The following RBFOX1 variants were observed in gnomAD, a reference collection of about 807,000 sequenced individuals.
The protein encoded by RBFOX1 is RNA binding fox-1 homolog 1.
RBFOX1 carries 8 observed loss-of-function variants against 57.7 expected under a neutral mutation model. The observed-to-expected ratio is 0.14, with a 90% CI of 0.08 to 0.25. The LOEUF is 0.25. RBFOX1 is among the 10% of genes least tolerant of loss of function. The pLI, the probability that RBFOX1 is intolerant of heterozygous loss-of-function variation, is 1.00. For synonymous variants in RBFOX1, 326 were observed against 222.4 expected, an observed-to-expected ratio of 1.47 and a Z score of -4.15; for missense variants, 611 against 548.5, an observed-to-expected ratio of 1.11 and a Z score of -1.14.
intron 2 of RBFOX1, among the ~76,000 whole-genome samples, chr16:6,408,748 A>T (rs573052507): frequency 6.6e-6 from 1 of 152,308 alleles, no homozygotes; most frequent in East Asian, 1.9e-4. Flanking sequence ...AATTGAATTC[A>T]CAGGTCAAAC....
chr16:5,616,898 C>G (rs915770725), intron 3 of RBFOX1, among the ~76,000 whole-genome samples: 2 of 150,224 alleles, frequency 1.3e-5, no homozygotes, highest in Admixed American at 1.3e-4. Context: ...TCTCCCCTGC[C>G]TCTTTTTCCA....
At chr16:6,132,680 T>C (rs1191020524) in intron 1 of RBFOX1, among the ~76,000 whole-genome samples, 2 of 152,114 alleles carry the variant, frequency 1.3e-5, no homozygotes, top group Non-Finnish European at 2.9e-5. Flanking sequence ...AGTGACTGTA[T>C]ATTTGGGAGG....
chr16:5,447,241 A>G (rs1458128465), intron 1 of RBFOX1, among the ~76,000 whole-genome samples: 1 of 152,044 alleles, frequency 6.6e-6, no homozygotes, highest in Non-Finnish European at 1.5e-5. Flanking sequence ...GTGTGATTAT[A>G]AGAACTCAGA....
At chr16:7,123,048 G>A (rs1003558659) in intron 4 of RBFOX1, among the ~76,000 whole-genome samples, 4 of 152,050 alleles carry the variant, frequency 2.6e-5, no homozygotes, top group Non-Finnish European at 5.9e-5. Flanking sequence ...ATTAGGGGTT[G>A]GGGGGAGGGT....
chr16:7,708,127 C>G (rs953597157), intron 14 of RBFOX1, among the ~76,000 whole-genome samples: 2 of 152,058 alleles, frequency 1.3e-5, no homozygotes, highest in South Asian at 4.2e-4. Flanking sequence ...CTACTTGAAC[C>G]CTGGAGTTTT....
chr16:6,798,265 T>C (rs1567291854), intron 3 of RBFOX1, among the ~76,000 whole-genome samples: 2 of 152,160 alleles, frequency 1.3e-5, no homozygotes, highest in Non-Finnish European at 2.9e-5. Context: ...CTGGATCCTG[T>C]TACATGCTTC....
rs1409398824 is a variant in RBFOX1 at position 6,929,180 on chromosome 16, C to A, written c.-15-122877C>A. 5.3e-5 allele frequency among the ~76,000 whole-genome samples: 8 copies of A among 152,244 alleles called. No individual in the cohort carries two copies. The South Asian group carries it at 1.5e-3, about 28-fold the overall frequency. ...GATACCCTACTACCTTCAGAGCAAA[C>A]ACATTCTACTCTTTGAAGGCAAGTG... On this transcript the variant is annotated intron_variant, in intron 3 of 15. Coordinates refer to ENST00000550418, the MANE Select transcript of RBFOX1 (RefSeq NM_018723.4).
At chr16:5,956,703 C>G (rs2059650826) in intron 4 of RBFOX1, among the ~76,000 whole-genome samples, 1 of 130,528 alleles carries the variant, frequency 7.7e-6, no homozygotes, top group South Asian at 2.3e-4. Context: ...CAGTCTCATC[C>G]TGTCACCCAG....
At chr16:7,218,628 CTGTGTGTGTGTG>C (rs60333818) in intron 4 of RBFOX1, among the ~76,000 whole-genome samples, 2,442 of 127,422 alleles carry the variant, frequency 0.019, 28 homozygotes, top group African/African-American at 0.025. Context: ...TGGGGGTTTG[CTGTGTGTGTGTG>C]TGTGTGTGTG....
chr16:6,860,122 G>C lies in RBFOX1; in HGVS notation c.-15-191935G>C, dbSNP rs139124758. Among the ~76,000 whole-genome samples, 194 of 152,264 alleles carry C rather than the reference G, an allele frequency of 1.3e-3. 2 individuals carry two copies. The highest frequency in any genetic ancestry group is 4.6e-3 in the African/African-American group (190 of 41,540). On this transcript the variant is annotated intron_variant, in intron 3 of 15. Coordinates refer to ENST00000550418, the MANE Select transcript of RBFOX1 (RefSeq NM_018723.4). ...TTCCTCTTCCAATGAATAGCTGTGC[G>C]CTAGCTGTTCACTGCTTTCCTGGCA...
intron 1 of RBFOX1, among the ~76,000 whole-genome samples, chr16:6,184,409 C>T (rs185268649): frequency 2.2e-4 from 34 of 152,130 alleles, no homozygotes; most frequent in East Asian, 7.7e-4. Flanking sequence ...GGTGAGAAGT[C>T]GTGGTAAATG....
chr16:5,654,586 A>G (rs972470255), intron 3 of RBFOX1, among the ~76,000 whole-genome samples: 5 of 151,890 alleles, frequency 3.3e-5, no homozygotes, highest in African/African-American at 1.2e-4. Context: ...GGATGTGAAA[A>G]CACCCTGTTC....
chr16:5,712,558 G>A (rs1233937275), intron 3 of RBFOX1, among the ~76,000 whole-genome samples: 1 of 152,194 alleles, frequency 6.6e-6, no homozygotes, highest in Admixed American at 6.5e-5. Context: ...TGTTCTAGGG[G>A]CTTTTCATCA....
chr16:6,867,381 A>G (rs917196082), intron 3 of RBFOX1, among the ~76,000 whole-genome samples: 1 of 151,896 alleles, frequency 6.6e-6, no homozygotes, highest in Non-Finnish European at 1.5e-5. Context: ...AATGACCTTT[A>G]TAAACCAGAA....
At chr16:6,544,631 A>G (rs2096869936) in intron 2 of RBFOX1, among the ~76,000 whole-genome samples, 1 of 152,290 alleles carries the variant, frequency 6.6e-6, no homozygotes, top group South Asian at 2.1e-4. Flanking sequence ...AAGAGACTGG[A>G]TGGATTTGAG....
At chr16:5,869,638 C>T (rs564304154) in intron 4 of RBFOX1, among the ~76,000 whole-genome samples, 1 of 152,084 alleles carries the variant, frequency 6.6e-6, no homozygotes, top group Non-Finnish European at 1.5e-5. Flanking sequence ...TTGACCACCT[C>T]GTGATCTGCC....
intron 4 of RBFOX1, among the ~76,000 whole-genome samples, chr16:7,466,729 C>A (rs2060590152): frequency 6.6e-6 from 1 of 152,132 alleles, no homozygotes; most frequent in African/African-American, 2.4e-5. Context: ...GTGATGATGC[C>A]CAGGTATCCA....
At chr16:6,798,297 C>T (rs944438632) in intron 3 of RBFOX1, among the ~76,000 whole-genome samples, 1 of 152,072 alleles carries the variant, frequency 6.6e-6, no homozygotes, top group African/African-American at 2.4e-5. Flanking sequence ...TAGATTGTAT[C>T]TAGAAACTTG....
chr16:5,949,361 C>A (rs1266547845), intron 4 of RBFOX1, among the ~76,000 whole-genome samples: 2 of 151,558 alleles, frequency 1.3e-5, no homozygotes, highest in African/African-American at 4.8e-5. Context: ...CCTGTCTGTA[C>A]TAAAAATATA....
Sources: allele counts gnomAD v4.1 joint callset (sites outside exome capture counted in the v4.1 genomes callset), GRCh38; gene constraint gnomAD v4.1.1; transcripts MANE v1.5; gene names NCBI Gene and HGNC (gene_info 2026-07-23, HGNC 2026-07-21).